Variants in DNM3 observed in about 807,000 individuals in gnomAD.
The protein encoded by DNM3 is dynamin 3, also known as dynamin-3.
DNM3 carries 47 observed loss-of-function variants against 101.6 expected under a neutral mutation model. The ratio of observed to expected loss-of-function variants is 0.46; its 90% CI spans 0.37 to 0.59. The LOEUF (loss-of-function observed/expected upper bound fraction) is 0.59. Ranked by LOEUF, DNM3 falls within the 20% of genes least tolerant of loss-of-function variation. DNM3 has a pLI of 0.00. For synonymous variants in DNM3, 385 were observed against 387.9 expected (o/e 0.99, Z 0.09); for missense variants, 849 against 1,085.7 (o/e 0.78, Z 3.06).
chr1:172,232,524 T>A (rs2061379159), intron 14 of DNM3, among the ~76,000 whole-genome samples: 4 of 152,172 alleles, frequency 2.6e-5, no homozygotes, highest in Non-Finnish European at 5.9e-5. Context: ...AACTCCGCTC[T>A]GCACCAAGCA....
chr1:172,118,908 G>A (rs1219882962), intron 13 of DNM3, among the ~76,000 whole-genome samples: 1 of 152,112 alleles, frequency 6.6e-6, no homozygotes, highest in Non-Finnish European at 1.5e-5. Flanking sequence ...GCCTGGCACA[G>A]AAGGGAGCCT....
intron 13 of DNM3, among the ~76,000 whole-genome samples, chr1:172,095,596 T>C (rs1050660622): frequency 6.6e-6 from 1 of 152,102 alleles, no homozygotes; most frequent in Non-Finnish European, 1.5e-5. Flanking sequence ...TCCAGGGAGT[T>C]TTGGGGCCCA....
chr1:172,253,591 A>G lies in DNM3; in HGVS notation c.1678A>G (p.Met560Val). The change falls in exon 15 of 21, where the codon ATG becomes GTG. Residue 560 changes from methionine (M) to valine (V), a missense_variant. Met to Val is a conservative substitution (Grantham distance 21). Coordinates refer to ENST00000627582, the MANE Select transcript of DNM3 (RefSeq NM_015569.5). ...ATAATAGGAAAAAGAAAAGAAGTACATGCTTCCCTTGGACAACCTGAAAGT... is the reference window on the plus strand; with the variant it reads ...ATAATAGGAAAAAGAAAAGAAGTACGTGCTTCCCTTGGACAACCTGAAAGT... ...KDDEEKEKKY[M>V]LPLDNLKVRD... 1.3e-6 allele frequency: 2 copies of G among 1,582,078 alleles called. No individual in the cohort carries two copies. The highest frequency in any genetic ancestry group is 1.7e-6 in the Non-Finnish European group (2 of 1,164,180).
intron 17 of DNM3, among the ~76,000 whole-genome samples, chr1:172,371,746 T>A (rs1348851741): frequency 1.3e-5 from 2 of 152,012 alleles, no homozygotes. Flanking sequence ...AATTCCGTAG[T>A]TCATACTGTT....
intron 1 of DNM3, among the ~76,000 whole-genome samples, chr1:171,914,500 G>A (rs139623462): frequency 5.9e-5 from 9 of 152,176 alleles, no homozygotes; most frequent in South Asian, 2.1e-4. Context: ...AAAATATATT[G>A]GTTCTGGATT....
chr1:172,091,001 AC>A (rs1243520738), intron 12 of DNM3, among the ~76,000 whole-genome samples: 1 of 152,238 alleles, frequency 6.6e-6, no homozygotes, highest in East Asian at 1.9e-4. Flanking sequence ...TTATATTGAT[AC>A]GTGTTTATTC....
At chr1:172,134,335 C>G (rs2057104790) in intron 14 of DNM3, among the ~76,000 whole-genome samples, 1 of 152,108 alleles carries the variant, frequency 6.6e-6, no homozygotes. Context: ...GGTATAATGA[C>G]TAGGGGGAAT....
intron 15 of DNM3, among the ~76,000 whole-genome samples, chr1:172,295,115 C>T (rs2064103507): frequency 6.6e-6 from 1 of 152,042 alleles, no homozygotes; most frequent in Non-Finnish European, 1.5e-5. Flanking sequence ...GAATGCTTTG[C>T]CCTGATTAAG....
intron 12 of DNM3, among the ~76,000 whole-genome samples, chr1:172,091,635 G>A (rs2053916596): frequency 6.6e-6 from 1 of 152,190 alleles, no homozygotes; most frequent in South Asian, 2.1e-4. Context: ...AGGGTAGGAG[G>A]AGATGAGTCA....
intron 14 of DNM3, among the ~76,000 whole-genome samples, chr1:172,171,878 C>T (rs2058973596): frequency 6.6e-6 from 1 of 151,650 alleles, no homozygotes. Flanking sequence ...TCTTTATTCT[C>T]TTCATTGCAG....
chr1:171,873,636 C>T (rs761234833), intron 1 of DNM3, among the ~76,000 whole-genome samples: 1 of 152,136 alleles, frequency 6.6e-6, no homozygotes, highest in Non-Finnish European at 1.5e-5. Context: ...TTAATTGTGT[C>T]TCATCTCCTC....
At chr1:172,351,212 G>C (rs901938994) in intron 17 of DNM3, among the ~76,000 whole-genome samples, 1 of 152,002 alleles carries the variant, frequency 6.6e-6, no homozygotes, top group Non-Finnish European at 1.5e-5. Context: ...TACACCTTTT[G>C]CTTCAAAGGT....
intron 2 of DNM3, 98 bp from the exon 3 acceptor site, chr1:171,987,558 A>G: frequency 8.1e-7 from 1 of 1,232,628 alleles, no homozygotes; most frequent in African/African-American, 1.5e-5. Context: ...GGAAGAAGAG[A>G]GAATATTGGA....
At chr1:172,015,213 A>G (rs1300772862) in intron 4 of DNM3, among the ~76,000 whole-genome samples, 2 of 152,120 alleles carry the variant, frequency 1.3e-5, no homozygotes, top group Admixed American at 1.3e-4. Context: ...TCAGTCCTCC[A>G]GCTTTGTTCT....
intron 2 of DNM3, among the ~76,000 whole-genome samples, chr1:171,986,517 G>C (rs897387612): frequency 2.7e-4 from 41 of 152,072 alleles, no homozygotes; most frequent in African/African-American, 9.9e-4. Flanking sequence ...GTGCCCGTGG[G>C]AGATCAGCCA....
At chr1:172,102,250 G>A (rs986558755) in intron 13 of DNM3, among the ~76,000 whole-genome samples, 1 of 152,044 alleles carries the variant, frequency 6.6e-6, no homozygotes, top group African/African-American at 2.4e-5. Context: ...AAACTACAAT[G>A]GCTATTTGAA....
At position 172,131,114 on chromosome 1, in the gene DNM3, A is replaced by G. The variant is rs2056913794; in HGVS notation, c.1546-61A>G. 4.9e-6 allele frequency: 7 copies of G among 1,432,168 alleles called. No homozygotes were observed. In the Admixed American group the frequency reaches 1.1e-4, roughly 22 times the overall value. The allele number at this position is 1,432,168 out of a possible 1,614,324, so 88.7% of individuals were successfully genotyped here. A position where few individuals can be genotyped will look rare whatever the true frequency, so the allele number is the denominator to read the frequency against. Reference sequence around the variant, plus strand: ...TGTTTTTAACTTCTTAGTCCAAGACATCTAATCTCCAGTGGCTTTTGTTAA... The same window carrying G: ...TGTTTTTAACTTCTTAGTCCAAGACGTCTAATCTCCAGTGGCTTTTGTTAA... On this transcript the variant is annotated intron_variant, in intron 13 of 20. Coordinates refer to ENST00000627582, the MANE Select transcript of DNM3 (RefSeq NM_015569.5).
In DNM3 at chr1:172,409,228, G is replaced by T. The variant is rs2071079427; in HGVS notation, c.*1387G>T. The T allele has an allele frequency of 1.0e-6, 1 of 985,228 alleles. No individual in the cohort carries two copies. Among genetic ancestry groups the T allele is most frequent in the African/African-American group, 1.7e-5 (1 of 57,222 alleles). 61.0% of individuals were successfully genotyped at this position (985,228 alleles called of 1,614,324 possible). A position where few individuals can be genotyped will look rare whatever the true frequency, so the allele number is the denominator to read the frequency against. The stretch of plus-strand genomic sequence containing the variant: ...TATTCACTGAGTAGGGGTGTCCCAT[G>T]ACACTATTTCATATTCTACAGAAGT... On this transcript the variant is annotated 3_prime_UTR_variant, in exon 21 of 21. Coordinates refer to ENST00000627582, the MANE Select transcript of DNM3 (RefSeq NM_015569.5).
chr1:172,008,706 A>T (rs1240536978), intron 4 of DNM3, among the ~76,000 whole-genome samples: 1 of 148,684 alleles, frequency 6.7e-6, no homozygotes, highest in Admixed American at 6.8e-5. Context: ...ATGGAATTAC[A>T]TGGGCATCTT....
Sources: gnomAD v4.1 joint callset for allele counts (sites outside exome capture counted in the v4.1 genomes callset) on GRCh38, gnomAD v4.1.1 for gene constraint, MANE v1.5 for transcripts, NCBI Gene and HGNC (gene_info 2026-07-23, HGNC 2026-07-21) for gene names.